The following ENTPD2 variants were observed in gnomAD, a reference collection of about 807,000 sequenced individuals.
The protein encoded by ENTPD2 is CD39 antigen-like 1.
Under a neutral mutation model 46.8 loss-of-function variants are expected in ENTPD2, and 48 were observed. The ratio of observed to expected loss-of-function variants is 1.03; its 90% CI spans 0.81 to 1.30. The LOEUF (loss-of-function observed/expected upper bound fraction) is 1.30, where lower values mean the gene tolerates loss of function less well. Ranked by LOEUF, ENTPD2 falls within the 50% of genes most tolerant of loss-of-function variation. ENTPD2 has a pLI of 0.00. For missense variants in ENTPD2, 707 were observed against 651.1 expected (o/e 1.09, Z -0.93); for synonymous variants, 316 against 286.1 (o/e 1.10, Z -1.06).
chr9:137,048,719 G>C lies in ENTPD2; in HGVS notation c.1426C>G (p.Leu476Val), dbSNP rs1170432184. ...CGCAGCAGCAGGACAAGCGCAGCCA[G>C]GAGCGCGGAGGCGAAGAGCAGCAGG... Reference protein sequence around the residue: ...VLLLLFASALLAALVLLLRQV... With the variant: ...VLLLLFASALVAALVLLLRQV... Residue 476 changes from leucine to valine, a missense_variant, in exon 9 of 9, where the codon CTG becomes GTG. By Grantham distance (32) the Leu-to-Val change is conservative (BLOSUM62 1). Transcript: ENST00000355097. 6.2e-7 allele frequency: 1 copy of C among 1,606,238 alleles called. No individual in the cohort carries two copies. Among genetic ancestry groups the C allele is most frequent in the Non-Finnish European group, 8.5e-7 (1 of 1,177,080 alleles).
chr9:137,052,533 A>G, intron 1 of ENTPD2, 185 bp from the exon 2 acceptor site: 1 of 527,258 alleles, frequency 1.9e-6, no homozygotes, highest in Middle Eastern at 5.2e-4. Context: ...GAAGGAGAAC[A>G]GGGAGGTGGT....
intron 1 of ENTPD2, among the ~76,000 whole-genome samples, chr9:137,053,612 C>G (rs1832344256): frequency 6.6e-6 from 1 of 152,206 alleles, no homozygotes. Flanking sequence ...CCCTGGGCTG[C>G]GTTGACGGAC....
At chr9:137,053,779 G>C (rs928673484) in intron 1 of ENTPD2, 102 bp downstream of exon 1, 8 of 754,706 alleles carry the variant, frequency 1.1e-5, no homozygotes, top group Non-Finnish European at 1.4e-5. Context: ...GCACGGTGGG[G>C]GTCCCGGGCT....
chr9:137,052,058 G>A (rs1029928350), intron 2 of ENTPD2, among the ~76,000 whole-genome samples, 173 bp downstream of exon 2: 6 of 152,132 alleles, frequency 3.9e-5, no homozygotes, highest in Non-Finnish European at 7.4e-5. Context: ...GAATGCAAAC[G>A]ACTCCTGGCC....
Position 137,049,007 on chromosome 9 carries a change from C to G in ENTPD2, c.1218G>C (p.Gln406His). Residue 406 changes from glutamine (Q) to histidine (H), a missense_variant, in exon 8 of 9, where the codon CAG (glutamine) becomes CAC (histidine). Coordinates refer to ENST00000355097, the MANE Select transcript of ENTPD2 (RefSeq NM_203468.3). ...ADYCAGAMFV[Q>H]QLLSRGYGFD... is the part of the protein sequence containing the mutation. ...AGCCGTAGCCGCGACTCAGCAGCTG[C>G]TGCACGAACATGGCCCCGGCGCAGT... 1 of 1,537,960 alleles carries G rather than the reference C, an allele frequency of 6.5e-7. No homozygotes were observed. The highest frequency in any genetic ancestry group is 8.7e-7 in the Non-Finnish European group (1 of 1,145,600).
Position 137,048,961 on chromosome 9 carries a change from C to G in ENTPD2, c.1264G>C (p.Gly422Arg). Reference protein sequence around the residue: ...GYGFDERAFGGVIFQKKAADT... With the variant: ...GYGFDERAFGRVIFQKKAADT... The stretch of plus-strand genomic sequence containing the variant: ...CCCACCTTCTTCTGGAAGATCACGC[C>G]GCCGAAGGCGCGCTCGTCGAAGCCG... The change falls in exon 8 of 9, where the codon GGC becomes CGC. Residue 422 changes from glycine (G) to arginine (R), a missense_variant. Gly to Arg is a moderately radical substitution (Grantham distance 125). Coordinates refer to ENST00000355097, the MANE Select transcript of ENTPD2 (RefSeq NM_203468.3). The G allele has an allele frequency of 6.5e-7, 1 of 1,533,048 alleles. No homozygotes were observed. Among genetic ancestry groups the G allele is most frequent in the Non-Finnish European group, 8.7e-7 (1 of 1,143,204 alleles). The allele number at this position is 1,533,048 out of a possible 1,614,324, so 95.0% of individuals were successfully genotyped here.
intron 7 of ENTPD2, 121 bp from the exon 8 acceptor site, chr9:137,049,196 G>T: frequency 6.8e-7 from 1 of 1,478,802 alleles, no homozygotes; most frequent in Non-Finnish European, 9.1e-7. Context: ...TGCGAGGCCA[G>T]AGACCACCAC....
chr9:137,051,751 T>G, intron 2 of ENTPD2, 91 bp from the exon 3 acceptor site: 1 of 1,447,020 alleles, frequency 6.9e-7, no homozygotes, highest in Non-Finnish European at 9.1e-7. Flanking sequence ...GTGGGGGCCG[T>G]GGGCTCCCAG....
Position 137,053,930 on chromosome 9 carries a change from A to C in ENTPD2, c.68T>G (p.Leu23Arg), listed in dbSNP as rs1180938686. The C allele has an allele frequency of 2.5e-6, 3 of 1,217,484 alleles. No individual in the cohort carries two copies. The highest frequency in any genetic ancestry group is 6.4e-5 in the East Asian group (2 of 31,152). The allele number at this position is 1,217,484 out of a possible 1,614,324, so 75.4% of individuals were successfully genotyped here. The change falls in exon 1 of 9, where the codon CTA becomes CGA. Residue 23 changes from leucine (L) to arginine (R), a missense_variant. Coordinates refer to ENST00000355097, the MANE Select transcript of ENTPD2 (RefSeq NM_203468.3). ...LLAAAGLAGL[L>R]LLCVPTRDVR... ...GTCGCGGGTGGGGACGCACAGCAGT[A>C]GGAGGCCGGCGAGGCCCGCGGCGGC...
At chr9:137,052,386 G>C (rs200817157) in intron 1 of ENTPD2, 38 bp from the exon 2 acceptor site, 3 of 1,398,876 alleles carry the variant, frequency 2.1e-6, no homozygotes, top group African/African-American at 1.4e-5. Context: ...TGGGGTGTCC[G>C]GGGGCCCTGA....
intron 1 of ENTPD2, 105 bp from the exon 2 acceptor site, chr9:137,052,453 C>T (rs11145978): frequency 2.4e-6 from 2 of 847,334 alleles, no homozygotes; most frequent in Non-Finnish European, 3.7e-6. Flanking sequence ...CTCCCCCCCC[C>T]ACCCAGTCAT....
chr9:137,050,362 G>A lies in ENTPD2; in HGVS notation c.951C>T (p.Leu317=), dbSNP rs1420478244. Residue 317 remains leucine (L), a synonymous_variant, in exon 6 of 9, where the codon CTC becomes CTT. Coordinates refer to ENST00000355097, the MANE Select transcript of ENTPD2 (RefSeq NM_203468.3). ...AGAAGGGGCAGGAGGAGAAGCTGAA[G>A]AGCCCAGAAACCAGATCTCGGCAGA... ...PHLCRDLVSG[L]FSFSSCPFSR... The A allele has an allele frequency of 1.9e-6, 3 of 1,613,008 alleles. No individual in the cohort carries two copies. The highest frequency in any genetic ancestry group is 2.7e-5 in the African/African-American group (2 of 74,920).
chr9:137,050,670 T>A lies in ENTPD2; in HGVS notation c.775-132A>T, dbSNP rs116205444. ...GGGCAATCCATGGCTCCCCACTGCC[T>A]GCTTGACAGATCCCAACGCCCCTGA... On this transcript the variant is annotated intron_variant, in intron 5 of 8. Coordinates refer to ENST00000355097, the MANE Select transcript of ENTPD2 (RefSeq NM_203468.3). 1.4e-5 allele frequency: 19 copies of A among 1,402,480 alleles called. No individual in the cohort carries two copies. The African/African-American group carries it at 2.6e-4, about 19-fold the overall frequency. The allele number at this position is 1,402,480 out of a possible 1,614,324, so 86.9% of individuals were successfully genotyped here.
In ENTPD2 at chr9:137,051,140, G is replaced by A. The variant is rs1435688704; in HGVS notation, c.547-11C>T. ...GCCCACCCAGCCGTACTGTGGAGAG[G>A]GGAGTGTGGGGTCAACCAGGGGCCG... On this transcript the variant is annotated splice_polypyrimidine_tract_variant and intron_variant, in intron 4 of 8. Coordinates refer to ENST00000355097, the MANE Select transcript of ENTPD2 (RefSeq NM_203468.3). 1 of 1,612,666 alleles carries A rather than the reference G, an allele frequency of 6.2e-7. No individual in the cohort carries two copies. The highest frequency in any genetic ancestry group is 1.7e-5 in the Admixed American group (1 of 60,014).
intron 1 of ENTPD2, 55 bp downstream of exon 1, chr9:137,053,826 G>T: frequency 1.7e-6 from 2 of 1,148,798 alleles, no homozygotes; most frequent in Non-Finnish European, 2.2e-6. Context: ...CCCCTCCCCG[G>T]CTCCAAGCCC....
In ENTPD2 at chr9:137,053,946, C is replaced by T. The variant is rs755006195; in HGVS notation, c.52G>A (p.Gly18Ser). The T allele has an allele frequency of 1.6e-5, 19 of 1,224,842 alleles. No individual in the cohort carries two copies. The highest frequency in any genetic ancestry group is 1.9e-5 in the Non-Finnish European group (19 of 983,722). The allele number at this position is 1,224,842 out of a possible 1,614,324, so 75.9% of individuals were successfully genotyped here. The change falls in exon 1 of 9, where the codon GGC becomes AGC. Residue 18 changes from glycine (G) to serine (S), a missense_variant. By Grantham distance (56) the Gly-to-Ser change is moderately conservative. Transcript: ENST00000355097. ...LLPPLLLAAA[G>S]LAGLLLLCVP... ...CACAGCAGTAGGAGGCCGGCGAGGCCCGCGGCGGCCAGCAGCAGCGGCGGC... is the reference window on the plus strand; with the variant it reads ...CACAGCAGTAGGAGGCCGGCGAGGCTCGCGGCGGCCAGCAGCAGCGGCGGC...
rs958225309 is a variant in ENTPD2 at position 137,048,142 on chromosome 9, G to A, written c.*515C>T. On this transcript the variant is annotated 3_prime_UTR_variant, in exon 9 of 9. Transcript: ENST00000355097. ...ACTTTTTATTACAAAATTTTTACAA[G>A]TAGGTGCTGGGCTGGCTGCCAGCCC... The A allele has an allele frequency of 6.5e-6, 1 of 152,890 alleles. No homozygotes were observed. Among genetic ancestry groups the A allele is most frequent in the African/African-American group, 2.4e-5 (1 of 41,468 alleles). 9.5% of individuals were successfully genotyped at this position (152,890 alleles called of 1,614,324 possible).
rs988446891 is a variant in ENTPD2 at position 137,049,900 on chromosome 9, T to C, written c.1119A>G (p.Ala373=). The C allele has an allele frequency of 2.9e-5, 47 of 1,612,112 alleles. No homozygotes were observed. Among genetic ancestry groups the C allele is most frequent in the Non-Finnish European group, 3.9e-5 (46 of 1,179,782 alleles). ...CCCAGGTCTGGTTGCAGACATTCAC[T>C]GCGGCTGCCTCCAGCTGCTGCAGGG... The part of the protein sequence containing the change: ...VATLQQLEAA[A]VNVCNQTWAQ... Residue 373 remains alanine (A), a synonymous_variant, in exon 7 of 9, where the codon GCA becomes GCG. Coordinates refer to ENST00000355097, the MANE Select transcript of ENTPD2 (RefSeq NM_203468.3).
chr9:137,049,478 G>A, intron 7 of ENTPD2: 1 of 449,456 alleles, frequency 2.2e-6, no homozygotes, highest in Non-Finnish European at 4.0e-6. Flanking sequence ...ACAAAATGGG[G>A]CCTCGCTCAC....
Sources: allele counts gnomAD v4.1 joint callset (sites outside exome capture counted in the v4.1 genomes callset), GRCh38; gene constraint gnomAD v4.1.1; transcripts MANE v1.5; gene names NCBI Gene and HGNC (gene_info 2026-07-23, HGNC 2026-07-21).